METTL25: variants seen among roughly 807,000 people sequenced by gnomAD.
METTL25 encodes the protein probable methyltransferase-like protein 25.
METTL25 carries 64 observed loss-of-function variants against 71.6 expected under a neutral mutation model. The observed-to-expected ratio is 0.89, with a 90% confidence interval of 0.73 to 1.10. The LOEUF (loss-of-function observed/expected upper bound fraction) is 1.10, where lower values mean the gene tolerates loss of function less well. Among genes scored for constraint, METTL25 ranks in the 50% least tolerant of loss-of-function variants. The pLI is 0.00. For missense variants in METTL25, 807 were observed against 707.0 expected, an observed-to-expected ratio of 1.14 and a Z score of -1.60; for synonymous variants, 287 against 250.3, an observed-to-expected ratio of 1.15 and a Z score of -1.38.
chr12:82,422,633 A>G (rs1025729407), intron 5 of METTL25, among the ~76,000 whole-genome samples: 2 of 152,344 alleles, frequency 1.3e-5, no homozygotes, highest in East Asian at 1.9e-4. Context: ...ACATGATTGT[A>G]TATTTAGAAA....
At position 82,413,820 on chromosome 12, in the gene METTL25, T is replaced by A. The variant is rs571725969; in HGVS notation, c.1279+10690T>A. ...TAAATAAATAATAAATAATAAATACTCTACTTTCCTGCTATGATTCTGCAT... is the reference window on the plus strand; with the variant it reads ...TAAATAAATAATAAATAATAAATACACTACTTTCCTGCTATGATTCTGCAT... On this transcript the variant is annotated intron_variant, in intron 5 of 11. Coordinates refer to ENST00000248306, the MANE Select transcript of METTL25 (RefSeq NM_032230.3). Among the ~76,000 whole-genome samples, 14 of 152,004 alleles carry A rather than the reference T, an allele frequency of 9.2e-5. No homozygotes were observed. In the South Asian group the frequency reaches 2.9e-3, roughly 32 times the overall value.
At chr12:82,419,949 A>G (rs951560329) in intron 5 of METTL25, among the ~76,000 whole-genome samples, 2 of 152,314 alleles carry the variant, frequency 1.3e-5, no homozygotes. Flanking sequence ...AACCTAAGAT[A>G]TGGAATCATT....
intron 5 of METTL25, among the ~76,000 whole-genome samples, chr12:82,411,294 A>C (rs1303528085): frequency 6.6e-6 from 1 of 152,042 alleles, no homozygotes; most frequent in East Asian, 1.9e-4. Context: ...TGAAAAATTC[A>C]AGAAGCATTT....
At chr12:82,410,641 T>C (rs925463389) in intron 5 of METTL25, among the ~76,000 whole-genome samples, 2 of 151,956 alleles carry the variant, frequency 1.3e-5, no homozygotes, top group African/African-American at 4.8e-5. Context: ...GAAATCTCTA[T>C]GGATCAAGAA....
chr12:82,370,071 C>A (rs529431174), intron 1 of METTL25, among the ~76,000 whole-genome samples: 68 of 152,278 alleles, frequency 4.5e-4, no homozygotes, highest in African/African-American at 1.6e-3. Context: ...CAGGACACCC[C>A]AACTGCTGTT....
At chr12:82,402,747 A>C (rs1252617398) in intron 4 of METTL25, among the ~76,000 whole-genome samples, 1 of 152,012 alleles carries the variant, frequency 6.6e-6, no homozygotes, top group Non-Finnish European at 1.5e-5. Flanking sequence ...AAAATCTTCA[A>C]CTCATGCTGT....
At chr12:82,459,794 T>G (rs1891741600) in intron 9 of METTL25, 1 of 152,202 alleles carries the variant, frequency 6.6e-6, no homozygotes. Context: ...GTTTCAAGCT[T>G]AGGAAGATCA....
intron 5 of METTL25, among the ~76,000 whole-genome samples, chr12:82,428,794 T>C (rs1889247318): frequency 6.6e-6 from 1 of 151,794 alleles, no homozygotes; most frequent in African/African-American, 2.4e-5. Flanking sequence ...ATCTGGAACA[T>C]GAGAATAATA....
intron 3 of METTL25, among the ~76,000 whole-genome samples, chr12:82,392,585 T>G (rs1885696905): frequency 6.6e-6 from 1 of 152,082 alleles, no homozygotes; most frequent in Admixed American, 6.6e-5. Flanking sequence ...GTGTGTCTCT[T>G]CACTCTGATT....
chr12:82,372,842 A>G (rs1883390844), intron 1 of METTL25, among the ~76,000 whole-genome samples: 1 of 152,156 alleles, frequency 6.6e-6, no homozygotes, highest in South Asian at 2.1e-4. Context: ...GCTGATTGGA[A>G]TAGTTGCACT....
At chr12:82,419,525 A>G (rs1888282430) in intron 5 of METTL25, among the ~76,000 whole-genome samples, 2 of 152,212 alleles carry the variant, frequency 1.3e-5, no homozygotes, top group South Asian at 4.2e-4. Flanking sequence ...ATGATACTGG[A>G]CAATGTGCCT....
chr12:82,429,172 T>A (rs1889276317), intron 5 of METTL25, among the ~76,000 whole-genome samples: 1 of 151,678 alleles, frequency 6.6e-6, no homozygotes, highest in Non-Finnish European at 1.5e-5. Context: ...TACCAATTAA[T>A]CTACCTCTCT....
chr12:82,436,610 T>C (rs1361668519), intron 7 of METTL25, among the ~76,000 whole-genome samples: 3 of 151,634 alleles, frequency 2.0e-5, no homozygotes, highest in African/African-American at 7.2e-5. Context: ...TTGAGAATGA[T>C]GACTTATTCT....
intron 5 of METTL25, among the ~76,000 whole-genome samples, chr12:82,421,730 A>G (rs1331572656): frequency 6.6e-6 from 1 of 152,238 alleles, no homozygotes; most frequent in Non-Finnish European, 1.5e-5. Flanking sequence ...CACCGATCCC[A>G]CAGAAATACA....
intron 5 of METTL25, among the ~76,000 whole-genome samples, chr12:82,421,420 A>C (rs1399014873): frequency 6.6e-6 from 1 of 152,210 alleles, no homozygotes; most frequent in Non-Finnish European, 1.5e-5. Flanking sequence ...AATAAATATT[A>C]GTGCCAGTTA....
intron 3 of METTL25, among the ~76,000 whole-genome samples, chr12:82,393,515 G>C (rs919261608): frequency 6.6e-6 from 1 of 151,800 alleles, no homozygotes; most frequent in Admixed American, 6.6e-5. Context: ...AGTTCTAATC[G>C]TTTTTTGATC....
chr12:82,450,233 G>C (rs1455523142), intron 8 of METTL25, among the ~76,000 whole-genome samples: 2 of 151,686 alleles, frequency 1.3e-5, no homozygotes, highest in African/African-American at 4.8e-5. Flanking sequence ...CCATCTGGTG[G>C]CTTTAAGTAT....
Position 82,447,997 on chromosome 12 carries a change from C to A in METTL25, c.1479-8730C>A, listed in dbSNP as rs147092251. On this transcript the variant is annotated intron_variant, in intron 8 of 11. Transcript: ENST00000248306. ...CCAGGATCAGGACTAAATTCACAGT[C>A]CAGAAAGATTTTCACCATCCCATTC... Among the ~76,000 whole-genome samples the A allele has an allele frequency of 5.0e-4, 76 of 152,118 alleles. 1 individual carries two copies. The East Asian group carries it at 0.014, about 28-fold the overall frequency.
At chr12:82,380,519 G>T (rs570206262) in intron 1 of METTL25, among the ~76,000 whole-genome samples, 1 of 152,216 alleles carries the variant, frequency 6.6e-6, no homozygotes, top group African/African-American at 2.4e-5. Context: ...ATTTGTTTAT[G>T]TGTGTGAATT....
Sources: allele counts gnomAD v4.1 joint callset (sites outside exome capture counted in the v4.1 genomes callset), GRCh38; gene constraint gnomAD v4.1.1; transcripts MANE v1.5; gene names NCBI Gene and HGNC (gene_info 2026-07-23, HGNC 2026-07-21).